The following PCGF5 variants were observed in gnomAD, a reference collection of about 807,000 sequenced individuals.
PCGF5 encodes the protein polycomb group ring finger 5.
A neutral mutation model predicts 44.3 loss-of-function variants in PCGF5; 9 were observed. That is an observed-to-expected ratio of 0.20 (90% CI 0.12 to 0.35). The LOEUF (loss-of-function observed/expected upper bound fraction) is 0.35, where lower values mean the gene tolerates loss of function less well. Ranked by LOEUF, PCGF5 falls within the 10% of genes least tolerant of loss-of-function variation. The pLI is 1.00. For missense variants in PCGF5, 146 were observed against 305.3 expected, an observed-to-expected ratio of 0.48 and a Z score of 3.89; for synonymous variants, 95 against 102.5, an observed-to-expected ratio of 0.93 and a Z score of 0.44.
intron 1 of PCGF5, among the ~76,000 whole-genome samples, chr10:91,170,836 A>C (rs929160072): frequency 1.3e-5 from 2 of 152,240 alleles, no homozygotes; most frequent in Admixed American, 1.3e-4. Flanking sequence ...TTTCTTCATA[A>C]TTGCCAAAAC....
At chr10:91,205,860 G>T (rs887011551) in intron 1 of PCGF5, among the ~76,000 whole-genome samples, 1 of 152,024 alleles carries the variant, frequency 6.6e-6, no homozygotes, top group African/African-American at 2.4e-5. Flanking sequence ...CACGGTGGTG[G>T]ATGCTTGTAA....
At chr10:91,247,746 GA>G (rs1299756842) in intron 3 of PCGF5, among the ~76,000 whole-genome samples, 1 of 152,164 alleles carries the variant, frequency 6.6e-6, no homozygotes. Context: ...AAATTTCTCA[GA>G]AGAGAGGAAT....
upstream of PCGF5, among the ~76,000 whole-genome samples, chr10:91,217,585 T>C (rs1844567339): frequency 6.6e-6 from 1 of 152,178 alleles, no homozygotes; most frequent in Non-Finnish European, 1.5e-5. Flanking sequence ...CAGGAGTTAT[T>C]AAGAGCCATT....
In PCGF5 at chr10:91,222,775, C is replaced by T; in HGVS notation, c.-97C>T. ...GCTAGTTCTCATGCCTCAGGACATC[C>T]TACTGGGAACGACACACCAGCTCCT... is the stretch of plus-strand genomic sequence containing the variant. On this transcript the variant is annotated 5_prime_UTR_variant, in exon 2 of 10. Transcript: ENST00000336126. 1 of 653,736 alleles carries T rather than the reference C, an allele frequency of 1.5e-6. No homozygotes were observed. Among genetic ancestry groups the T allele is most frequent in the Non-Finnish European group, 2.7e-6 (1 of 366,694 alleles). 40.5% of individuals were successfully genotyped at this position (653,736 alleles called of 1,614,324 possible).
intron 1 of PCGF5, among the ~76,000 whole-genome samples, chr10:91,208,922 G>T (rs530470247): frequency 6.6e-6 from 1 of 152,268 alleles, no homozygotes; most frequent in East Asian, 1.9e-4. Context: ...TAATCAAAAA[G>T]AAAATTCTCA....
At chr10:91,181,321 T>C (rs1843815443) in intron 1 of PCGF5, among the ~76,000 whole-genome samples, 1 of 152,194 alleles carries the variant, frequency 6.6e-6, no homozygotes, top group African/African-American at 2.4e-5. Flanking sequence ...TTTGACTTCC[T>C]CTTTTCCTAT....
chr10:91,231,628 G>A (rs1409226640), intron 2 of PCGF5, among the ~76,000 whole-genome samples: 2 of 152,200 alleles, frequency 1.3e-5, no homozygotes, highest in African/African-American at 4.8e-5. Context: ...ATGGCCGCAG[G>A]CACGTGGCGC....
intron 1 of PCGF5, among the ~76,000 whole-genome samples, chr10:91,194,075 G>A (rs1844083308): frequency 6.6e-6 from 1 of 152,100 alleles, no homozygotes; most frequent in African/African-American, 2.4e-5. Flanking sequence ...GAGAATTGGA[G>A]GTCAGCTTGG....
At chr10:91,259,015 CT>C (rs1403291182) in intron 6 of PCGF5, among the ~76,000 whole-genome samples, 4 of 151,920 alleles carry the variant, frequency 2.6e-5, no homozygotes, top group Non-Finnish European at 5.9e-5. Flanking sequence ...ATTCTGATAA[CT>C]TTTGAGGTTG....
At chr10:91,158,547 G>A (rs933756634), upstream of PCGF5, among the ~76,000 whole-genome samples, 2 of 152,158 alleles carry the variant, frequency 1.3e-5, no homozygotes, top group African/African-American at 4.8e-5. Context: ...ACATTAAAAG[G>A]CAAGTAAGTT....
rs188198904 is a variant in PCGF5 at position 91,168,358 on chromosome 10, C to T, written c.-184+5277C>T. Among the ~76,000 whole-genome samples the T allele has an allele frequency of 7.3e-3, 1,118 of 152,140 alleles. 14 individuals are homozygous for T. The highest frequency in any genetic ancestry group is 0.026 in the African/African-American group (1,072 of 41,496). On this transcript the variant is annotated intron_variant, in intron 1 of 9. Coordinates refer to the PCGF5 transcript ENST00000614189. The stretch of plus-strand genomic sequence containing the variant: ...CAAAGAAAGATAAGGAAGGAGATTT[C>T]GAAGGATCCTGATAGGGTAGAGGAT...
At chr10:91,178,515 A>C (rs1317553749) in intron 1 of PCGF5, among the ~76,000 whole-genome samples, 16 of 151,720 alleles carry the variant, frequency 1.1e-4, no homozygotes, top group Admixed American at 5.3e-4. Context: ...ACAGCCTCCA[A>C]AGTAGCTGGA....
At chr10:91,210,216 C>T (rs1381346707) in intron 1 of PCGF5, among the ~76,000 whole-genome samples, 1 of 152,196 alleles carries the variant, frequency 6.6e-6, no homozygotes, top group Non-Finnish European at 1.5e-5. Context: ...AGTCCACCTG[C>T]TGCTTGAGAT....
chr10:91,246,980 TAGA>T (rs1845480789), intron 3 of PCGF5, among the ~76,000 whole-genome samples: 1 of 133,132 alleles, frequency 7.5e-6, no homozygotes, highest in South Asian at 2.3e-4. Flanking sequence ...GATAGATAGA[TAGA>T]TAGATAGATA....
At chr10:91,157,554 C>T in the PCGF5 span, among the ~76,000 whole-genome samples, 1 of 152,080 alleles carries the variant, frequency 6.6e-6, no homozygotes, top group Non-Finnish European at 1.5e-5. Flanking sequence ...AGAGAAAATG[C>T]CCTGATTCAT....
intron 3 of PCGF5, among the ~76,000 whole-genome samples, chr10:91,246,990 GATAGATAGATA>G (rs1845481790): frequency 6.7e-6 from 1 of 148,192 alleles, no homozygotes; most frequent in African/African-American, 2.5e-5. Flanking sequence ...TAGATAGATA[GATAGATAGATA>G]GATAGATAGA....
At chr10:91,161,599 T>C (rs1221084944), upstream of PCGF5, among the ~76,000 whole-genome samples, 1 of 152,234 alleles carries the variant, frequency 6.6e-6, no homozygotes, top group Non-Finnish European at 1.5e-5. Context: ...CTCTGTAGAA[T>C]TCAATTTTAT....
intron 1 of PCGF5, among the ~76,000 whole-genome samples, chr10:91,207,566 T>C (rs577492153): frequency 6.6e-6 from 1 of 152,324 alleles, no homozygotes; most frequent in Non-Finnish European, 1.5e-5. Flanking sequence ...ATGGCATTGT[T>C]ATAATAGTAT....
At chr10:91,255,556 A>C (rs942936786) in intron 6 of PCGF5, among the ~76,000 whole-genome samples, 1 of 152,194 alleles carries the variant, frequency 6.6e-6, no homozygotes, top group Non-Finnish European at 1.5e-5. Flanking sequence ...TGAGCAACTT[A>C]ATGGCTCCAG....
Sources: gnomAD v4.1 joint callset for allele counts (sites outside exome capture counted in the v4.1 genomes callset) on GRCh38, gnomAD v4.1.1 for gene constraint, MANE v1.5 for transcripts, NCBI Gene and HGNC (gene_info 2026-07-23, HGNC 2026-07-21) for gene names.